The following SUMF1 variants were observed in gnomAD, a reference collection of about 807,000 sequenced individuals.
SUMF1 encodes the protein sulfatase modifying factor 1, also known as formylglycine-generating enzyme.
SUMF1 carries 48 observed loss-of-function variants against 47.6 expected under a neutral mutation model. The observed-to-expected ratio is 1.01, with a 90% CI of 0.80 to 1.28. The LOEUF (loss-of-function observed/expected upper bound fraction) is 1.28. SUMF1 is among the 50% of genes most tolerant of loss of function. SUMF1 has a pLI of 0.00. For synonymous variants in SUMF1, 230 were observed against 192.1 expected (o/e 1.20, Z -1.63); for missense variants, 571 against 485.4 (o/e 1.18, Z -1.66).
intron 8 of SUMF1, among the ~76,000 whole-genome samples, chr3:4,269,418 A>T (rs554820956): frequency 6.6e-6 from 1 of 152,340 alleles, no homozygotes; most frequent in African/African-American, 2.4e-5. Flanking sequence ...CTATAATAGC[A>T]TTCCAATTTT....
At chr3:4,322,649 G>C (rs1698861407) in intron 8 of SUMF1, among the ~76,000 whole-genome samples, 1 of 149,926 alleles carries the variant, frequency 6.7e-6, no homozygotes, top group Non-Finnish European at 1.5e-5. Flanking sequence ...GAAAGAGGGA[G>C]ACCTGCCTAT....
intron 8 of SUMF1, among the ~76,000 whole-genome samples, chr3:4,110,164 G>T (rs1405713835): frequency 6.6e-6 from 1 of 152,150 alleles, no homozygotes; most frequent in Non-Finnish European, 1.5e-5. Flanking sequence ...TCAGCTGCAG[G>T]TTGCTGGAGT....
chr3:4,429,378 A>T (rs1702166554), intron 3 of SUMF1, among the ~76,000 whole-genome samples: 1 of 152,204 alleles, frequency 6.6e-6, no homozygotes, highest in Admixed American at 6.5e-5. Context: ...TCCAGTGTCT[A>T]AAACAGGGAA....
chr3:4,045,930 A>C (rs1053728099), intron 9 of SUMF1, among the ~76,000 whole-genome samples: 2 of 152,178 alleles, frequency 1.3e-5, no homozygotes, highest in African/African-American at 4.8e-5. Flanking sequence ...TTATGCCTAT[A>C]ATTCCAGTGA....
chr3:4,213,902 T>A (rs1422986635), intron 8 of SUMF1, among the ~76,000 whole-genome samples: 2 of 152,142 alleles, frequency 1.3e-5, no homozygotes, highest in African/African-American at 4.8e-5. Flanking sequence ...GGATCCAGAT[T>A]CATAAAGCAA....
intron 8 of SUMF1, among the ~76,000 whole-genome samples, chr3:4,307,361 A>G (rs1698231305): frequency 6.6e-6 from 1 of 152,160 alleles, no homozygotes; most frequent in South Asian, 2.1e-4. Flanking sequence ...TCACCATGCC[A>G]CACTCGAAAC....
At chr3:4,179,359 C>T (rs986330481) in intron 8 of SUMF1, among the ~76,000 whole-genome samples, 25 of 152,080 alleles carry the variant, frequency 1.6e-4, no homozygotes, top group African/African-American at 6.0e-4. Context: ...TGGAACAGAA[C>T]AGAGGCTTCA....
At chr3:4,209,734 T>G (rs538266280) in intron 8 of SUMF1, among the ~76,000 whole-genome samples, 1 of 152,230 alleles carries the variant, frequency 6.6e-6, no homozygotes, top group Non-Finnish European at 1.5e-5. Context: ...CTGGAAAATA[T>G]AATTTTAGAA....
intron 9 of SUMF1, among the ~76,000 whole-genome samples, chr3:4,051,795 T>G (rs1695115953): frequency 6.6e-6 from 1 of 152,142 alleles, no homozygotes; most frequent in Non-Finnish European, 1.5e-5. Context: ...TGTAGACTGG[T>G]TTGCACATCG....
At chr3:4,325,630 C>CACACAT (rs1430248715) in intron 8 of SUMF1, among the ~76,000 whole-genome samples, 1 of 150,524 alleles carries the variant, frequency 6.6e-6, no homozygotes. Context: ...CACACACACA[C>CACACAT]ATATATGCAT....
chr3:4,385,432 T>C lies in SUMF1; in HGVS notation c.955-9043A>G, dbSNP rs966516791. Among the ~76,000 whole-genome samples the C allele has an allele frequency of 7.9e-5, 12 of 152,312 alleles. No homozygotes were observed. The South Asian group carries it at 2.5e-3, about 32-fold the overall frequency. The stretch of plus-strand genomic sequence containing the variant: ...CATGCCATCTGTGTATCTTCTTCTG[T>C]GGTGTCTCTTCATGTCTTCTGCACG... On this transcript the variant is annotated intron_variant, in intron 7 of 8. Coordinates refer to ENST00000272902, the MANE Select transcript of SUMF1 (RefSeq NM_182760.4).
At chr3:4,235,021 G>C (rs998239037) in intron 8 of SUMF1, among the ~76,000 whole-genome samples, 1 of 152,084 alleles carries the variant, frequency 6.6e-6, no homozygotes, top group African/African-American at 2.4e-5. Context: ...AGATCACTCC[G>C]GCTGCAGTTG....
intron 8 of SUMF1, among the ~76,000 whole-genome samples, chr3:4,319,142 T>G (rs13080693): frequency 0.28 from 42,267 of 152,170 alleles, 7,300 homozygotes; most frequent in Non-Finnish European, 0.39. Flanking sequence ...CAACAGGAAC[T>G]CTTCATTGTT....
chr3:4,177,164 C>G (rs2587947), intron 8 of SUMF1, among the ~76,000 whole-genome samples: 104,649 of 151,956 alleles, frequency 0.69, 36,146 homozygotes, highest in South Asian at 0.74. Flanking sequence ...CCCAGGACCT[C>G]AACTCAGCTC....
chr3:4,343,414 T>C (rs920003817), intron 8 of SUMF1, among the ~76,000 whole-genome samples: 2 of 152,238 alleles, frequency 1.3e-5, no homozygotes, highest in Non-Finnish European at 2.9e-5. Context: ...AAACAATTTA[T>C]TCCTGAAGAC....
At chr3:4,169,533 T>C (rs1320720591) in intron 8 of SUMF1, among the ~76,000 whole-genome samples, 2 of 152,128 alleles carry the variant, frequency 1.3e-5, no homozygotes, top group Non-Finnish European at 2.9e-5. Flanking sequence ...ACTAGAGCCT[T>C]TAGAAGAAGC....
chr3:4,122,633 C>A (rs1329922015), intron 8 of SUMF1, among the ~76,000 whole-genome samples: 2 of 152,150 alleles, frequency 1.3e-5, no homozygotes, highest in African/African-American at 2.4e-5. Flanking sequence ...GGAAAAGGAG[C>A]ATTAAGAATC....
chr3:4,460,621 T>TGTGG (rs1214731917), intron 1 of SUMF1, among the ~76,000 whole-genome samples: 6 of 148,042 alleles, frequency 4.1e-5, no homozygotes, highest in African/African-American at 1.5e-4. Context: ...TGTGTGTGTG[T>TGTGG]GTGAGAGTGT....
chr3:4,410,859 A>T lies in SUMF1; in HGVS notation c.954+6T>A. 1.2e-6 allele frequency: 2 copies of T among 1,612,928 alleles called. No individual in the cohort carries two copies. Among genetic ancestry groups the T allele is most frequent in the Non-Finnish European group, 1.7e-6 (2 of 1,178,940 alleles). ...CCAAGACACATGCTCTGTGAATAAT[A>T]CTCACTGGGTTAAGCGTTTCTTCAA... On this transcript the variant is annotated splice_donor_region_variant and intron_variant, in intron 7 of 8. Transcript: ENST00000272902.
Sources: gnomAD v4.1 joint callset for allele counts (sites outside exome capture counted in the v4.1 genomes callset) on GRCh38, gnomAD v4.1.1 for gene constraint, MANE v1.5 for transcripts, NCBI Gene and HGNC (gene_info 2026-07-23, HGNC 2026-07-21) for gene names.